Variants in FOXO3 observed in about 807,000 individuals in gnomAD.
The protein encoded by FOXO3 is forkhead box O3.
FOXO3 carries 4 observed loss-of-function variants against 41.9 expected under a neutral mutation model. That is an observed-to-expected ratio of 0.10 (90% CI 0.05 to 0.22). The LOEUF (loss-of-function observed/expected upper bound fraction) is 0.22. FOXO3 is among the 10% of genes least tolerant of loss of function. The pLI, the probability that FOXO3 is intolerant of heterozygous loss-of-function variation, is 1.00. For missense variants in FOXO3, 534 were observed against 906.8 expected (o/e 0.59, Z 5.28); for synonymous variants, 318 against 389.3 (o/e 0.82, Z 2.16).
chr6:108,608,139 T>A (rs561685745), intron 1 of FOXO3, among the ~76,000 whole-genome samples: 51 of 152,306 alleles, frequency 3.3e-4, no homozygotes, highest in Middle Eastern at 6.8e-3. Context: ...AATGTGCAAA[T>A]TCATATGCAT....
intron 1 of FOXO3, among the ~76,000 whole-genome samples, chr6:108,610,801 T>C (rs17532874): frequency 0.042 from 6,398 of 152,308 alleles, 203 homozygotes; most frequent in Middle Eastern, 0.099. Flanking sequence ...GACATAAAAT[T>C]GCCTCCCTGT....
chr6:108,592,203 G>A (rs1398537623), intron 1 of FOXO3, among the ~76,000 whole-genome samples: 1 of 152,144 alleles, frequency 6.6e-6, no homozygotes, highest in African/African-American at 2.4e-5. Flanking sequence ...TAATTGTGGT[G>A]GTGCTTACAC....
chr6:108,560,937 CG>C lies in FOXO3; in HGVS notation c.-271del. 7.7e-7 allele frequency: 1 copy of C among 1,291,276 alleles called. No homozygotes were observed. Among genetic ancestry groups the C allele is most frequent in the Non-Finnish European group, 9.8e-7 (1 of 1,019,764 alleles). 80.0% of individuals were successfully genotyped at this position (1,291,276 alleles called of 1,614,324 possible). On this transcript the variant is annotated 5_prime_UTR_variant, in exon 1 of 3. Transcript: ENST00000406360. ...GGGGCGGTGTCTGCTGCGCCAGGTT[CG>C]CTGGCCGCACGTCTTCAGGTCCTCC...
Position 108,561,563 on chromosome 6 carries a change from C to T in FOXO3, c.355C>T (p.Leu119=), listed in dbSNP as rs1775787016. ...GSGPATAAGG[L]SGGTQALLQP... ...TGGGCCAGCCACCGCGGCGGGCGGGCTGAGCGGGGGTACACAGGCGCTGCT... is the reference window on the plus strand; with the variant it reads ...TGGGCCAGCCACCGCGGCGGGCGGGTTGAGCGGGGGTACACAGGCGCTGCT... The change falls in exon 1 of 3, where the codon CTG becomes TTG. Residue 119 remains leucine, a synonymous_variant. Transcript: ENST00000406360. 1 of 1,438,272 alleles carries T rather than the reference C, an allele frequency of 7.0e-7. No homozygotes were observed. Among genetic ancestry groups the T allele is most frequent in the Non-Finnish European group, 9.1e-7 (1 of 1,104,064 alleles). 89.1% of individuals were successfully genotyped at this position (1,438,272 alleles called of 1,614,324 possible).
At chr6:108,568,231 T>TA (rs1359160378) in intron 1 of FOXO3, among the ~76,000 whole-genome samples, 4 of 147,838 alleles carry the variant, frequency 2.7e-5, no homozygotes, top group African/African-American at 7.6e-5. Context: ...TTTTTTTTTT[T>TA]AAAGCGTGTG....
intron 1 of FOXO3, among the ~76,000 whole-genome samples, chr6:108,575,373 A>G (rs1284601490): frequency 6.7e-6 from 1 of 149,798 alleles, no homozygotes; most frequent in African/African-American, 2.5e-5. Context: ...ATTTTACTTA[A>G]TACCTAAAAA....
rs140376147 is a variant in FOXO3, at chr6:108,674,503, T to C, written c.*35-5324T>C. Among the ~76,000 whole-genome samples, 30 of 152,240 alleles carry C rather than the reference T, an allele frequency of 2.0e-4. 1 individual carries two copies. The East Asian group carries it at 5.2e-3, about 26-fold the overall frequency. ...AAGACTTTGCTTAGCTTTCAAGGAGTTCAACATGTTAGGAGCTCAAAGTCC... is the reference window on the plus strand; with the variant it reads ...AAGACTTTGCTTAGCTTTCAAGGAGCTCAACATGTTAGGAGCTCAAAGTCC... On this transcript the variant is annotated intron_variant, in intron 2 of 2. Coordinates refer to ENST00000406360, the MANE Select transcript of FOXO3 (RefSeq NM_001455.4).
chr6:108,666,344 C>CT (rs879700153), intron 2 of FOXO3, among the ~76,000 whole-genome samples: 98 of 139,958 alleles, frequency 7.0e-4, no homozygotes, highest in Non-Finnish European at 9.2e-4. Flanking sequence ...TTTTCTTTTT[C>CT]TTTTTTTTTG....
In FOXO3 at chr6:108,679,873, C is replaced by G. The variant is rs1426084747; in HGVS notation, c.*81C>G. 1 of 155,002 alleles carries G rather than the reference C, an allele frequency of 6.5e-6. No homozygotes were observed. Among genetic ancestry groups the G allele is most frequent in the African/African-American group, 2.4e-5 (1 of 41,538 alleles). 9.6% of individuals were successfully genotyped at this position (155,002 alleles called of 1,614,324 possible). On this transcript the variant is annotated 3_prime_UTR_variant, in exon 3 of 3. Transcript: ENST00000406360. ...CTACAGAGAAAACCCTTTGCCAAAT[C>G]TGCTCTCAGCAAGTGGACAGTGATA...
At chr6:108,620,002 A>C (rs1020947468) in intron 1 of FOXO3, among the ~76,000 whole-genome samples, 1 of 152,186 alleles carries the variant, frequency 6.6e-6, no homozygotes, top group African/African-American at 2.4e-5. Context: ...AATTCAAAGG[A>C]TAGGGCCAAG....
intron 1 of FOXO3, among the ~76,000 whole-genome samples, chr6:108,655,957 T>TG (rs909896414): frequency 3.3e-5 from 5 of 152,186 alleles, no homozygotes; most frequent in African/African-American, 1.2e-4. Context: ...GTACACAAAG[T>TG]GGGTGAGCAC....
At chr6:108,573,585 T>C (rs1776171629) in intron 1 of FOXO3, among the ~76,000 whole-genome samples, 1 of 152,194 alleles carries the variant, frequency 6.6e-6, no homozygotes. Context: ...ACCAGCACTT[T>C]GGTAGGCTGA....
chr6:108,574,423 T>A (rs1273580193), intron 1 of FOXO3, among the ~76,000 whole-genome samples: 2 of 152,154 alleles, frequency 1.3e-5, no homozygotes, highest in Non-Finnish European at 2.9e-5. Flanking sequence ...TCTGTGCTTT[T>A]TATAGGCTTC....
At chr6:108,678,890 T>TTTTTTTTTTTTTTTTC (rs368405598) in intron 2 of FOXO3, among the ~76,000 whole-genome samples, 3 of 115,334 alleles carry the variant, frequency 2.6e-5, no homozygotes, top group Non-Finnish European at 3.6e-5. Context: ...TTTTTTTTTT[T>TTTTTTTTTTTTTTTTC]TGAGACGGAG....
intron 1 of FOXO3, among the ~76,000 whole-genome samples, chr6:108,562,207 G>T (rs1046207793): frequency 4.6e-5 from 7 of 152,112 alleles, no homozygotes; most frequent in African/African-American, 1.7e-4. Context: ...GGGCGCTGTG[G>T]CTGGAGTGAG....
intron 1 of FOXO3, among the ~76,000 whole-genome samples, chr6:108,630,892 C>T (rs1190743909): frequency 1.3e-5 from 2 of 152,082 alleles, no homozygotes; most frequent in East Asian, 1.9e-4. Context: ...CAGTCATTAC[C>T]GAAAGGCTAT....
In FOXO3 at chr6:108,678,820, G is replaced by A. The variant is rs557381415; in HGVS notation, c.*35-1007G>A. ...AGACGGAAGGATCTCTTGAGCCCAG[G>A]AGTTCAAGTCCAGCCTGGGCAACAT... is the stretch of plus-strand genomic sequence containing the variant. On this transcript the variant is annotated intron_variant, in intron 2 of 2. Coordinates refer to ENST00000406360, the MANE Select transcript of FOXO3 (RefSeq NM_001455.4). Among the ~76,000 whole-genome samples the A allele has an allele frequency of 2.0e-5, 3 of 150,592 alleles. No individual in the cohort carries two copies. The East Asian group carries it at 5.9e-4, about 30-fold the overall frequency.
At chr6:108,574,168 AAAAAG>A (rs1399238637) in intron 1 of FOXO3, among the ~76,000 whole-genome samples, 3 of 151,826 alleles carry the variant, frequency 2.0e-5, no homozygotes, top group Non-Finnish European at 2.9e-5. Flanking sequence ...AAAAAAAAAA[AAAAAG>A]AAGAATTAGC....
rs1776091298 is a variant in FOXO3 at position 108,571,291 on chromosome 6, T to C, written c.621+9462T>C. 2.6e-5 allele frequency among the ~76,000 whole-genome samples: 4 copies of C among 152,218 alleles called. No individual in the cohort carries two copies. The South Asian group carries it at 8.3e-4, about 31-fold the overall frequency. ...GAGACTACTGTAACTTTGAACTTTTTGTAATTCTGTAATGCTATATCGGTT... is the reference window on the plus strand; with the variant it reads ...GAGACTACTGTAACTTTGAACTTTTCGTAATTCTGTAATGCTATATCGGTT... On this transcript the variant is annotated intron_variant, in intron 1 of 2. Coordinates refer to ENST00000406360, the MANE Select transcript of FOXO3 (RefSeq NM_001455.4).
Sources: allele counts gnomAD v4.1 joint callset (sites outside exome capture counted in the v4.1 genomes callset), GRCh38; gene constraint gnomAD v4.1.1; transcripts MANE v1.5; gene names NCBI Gene and HGNC (gene_info 2026-07-23, HGNC 2026-07-21).